The following ZFPM2 variants were observed in gnomAD, a reference collection of about 807,000 sequenced individuals.
The protein encoded by ZFPM2 is zinc finger protein ZFPM2.
Under a neutral mutation model 98.6 loss-of-function variants are expected in ZFPM2, and 20 were observed. The ratio of observed to expected loss-of-function variants is 0.20; its 90% confidence interval spans 0.14 to 0.29. The LOEUF is 0.29. Among genes scored for constraint, ZFPM2 ranks in the 10% least tolerant of loss-of-function variants. ZFPM2 has a pLI of 1.00. For synonymous variants in ZFPM2, 518 were observed against 502.7 expected (o/e 1.03, Z -0.41); for missense variants, 1,310 against 1,388.6 (o/e 0.94, Z 0.90).
At chr8:105,677,835 C>T (rs147728179) in intron 5 of ZFPM2, among the ~76,000 whole-genome samples, 505 of 152,214 alleles carry the variant, frequency 3.3e-3, no homozygotes, top group Non-Finnish European at 5.3e-3. Context: ...TTTTAACTGA[C>T]GAAGTTATTG....
chr8:105,776,199 T>C (rs1271534886), intron 5 of ZFPM2, among the ~76,000 whole-genome samples: 5 of 152,064 alleles, frequency 3.3e-5, no homozygotes, highest in Admixed American at 3.3e-4. Context: ...GAGGGGAGTT[T>C]AGGGAATGCA....
intron 3 of ZFPM2, among the ~76,000 whole-genome samples, chr8:105,499,995 G>A (rs569048508): frequency 1.3e-5 from 2 of 152,122 alleles, no homozygotes; most frequent in Admixed American, 6.5e-5. Flanking sequence ...TCTTGGATAC[G>A]TTTTGTTTCG....
At chr8:105,448,042 T>G (rs1249937874) in intron 3 of ZFPM2, among the ~76,000 whole-genome samples, 2 of 152,138 alleles carry the variant, frequency 1.3e-5, no homozygotes, top group African/African-American at 4.8e-5. Flanking sequence ...TTTAAATGTT[T>G]GTGATTCCTG....
At chr8:105,519,262 T>G (rs1425325449) in intron 3 of ZFPM2, among the ~76,000 whole-genome samples, 2 of 152,112 alleles carry the variant, frequency 1.3e-5, no homozygotes, top group African/African-American at 4.8e-5. Flanking sequence ...AATTGGTGGG[T>G]GAGAAGAAAG....
intron 4 of ZFPM2, among the ~76,000 whole-genome samples, chr8:105,586,523 A>G (rs914180549): frequency 2.0e-5 from 3 of 151,966 alleles, no homozygotes; most frequent in African/African-American, 7.3e-5. Flanking sequence ...CCTAGATTCA[A>G]GTGATTCATC....
At chr8:105,688,605 G>GT (rs1810800701) in intron 5 of ZFPM2, among the ~76,000 whole-genome samples, 3 of 151,996 alleles carry the variant, frequency 2.0e-5, no homozygotes, top group African/African-American at 4.8e-5. Context: ...ACTATTCATA[G>GT]ATTTTTTTGT....
chr8:105,763,433 A>T (rs1437880058), intron 5 of ZFPM2, among the ~76,000 whole-genome samples: 1 of 151,870 alleles, frequency 6.6e-6, no homozygotes, highest in African/African-American at 2.4e-5. Context: ...TTCTGGGACA[A>T]TACCTCAAGC....
In ZFPM2 at chr8:105,404,047, A is replaced by C. The variant is rs1017843357; in HGVS notation, c.41-15097A>C. ...CAACAACAACAACAACAACAACAGC[A>C]GCATAGATTTGGCCCTAGGCGCTAG... On this transcript the variant is annotated intron_variant, in intron 1 of 7. Coordinates refer to ENST00000407775, the MANE Select transcript of ZFPM2 (RefSeq NM_012082.4). Among the ~76,000 whole-genome samples the C allele has an allele frequency of 2.6e-5, 4 of 151,946 alleles. No individual in the cohort carries two copies. The East Asian group carries it at 7.7e-4, about 29-fold the overall frequency.
rs945029526 is a variant in ZFPM2 at position 105,750,328 on chromosome 8, G to A, written c.533-38390G>A. On this transcript the variant is annotated intron_variant, in intron 5 of 7. Transcript: ENST00000407775. ...CAAGCCCTGCTGCCTCCAAGGGTGT[G>A]GTCTTAGTTAATTGTATGTGTATTT... Among the ~76,000 whole-genome samples the A allele has an allele frequency of 1.4e-4, 21 of 151,866 alleles. 1 individual carries two copies. The highest frequency in any genetic ancestry group is 1.2e-3 in the Admixed American group (18 of 15,232).
chr8:105,335,571 CAG>C (rs1812311632), intron 1 of ZFPM2, among the ~76,000 whole-genome samples: 1 of 151,700 alleles, frequency 6.6e-6, no homozygotes, highest in Admixed American at 6.6e-5. Flanking sequence ...AGGAAAGAAT[CAG>C]AGGAAAATGA....
intron 4 of ZFPM2, among the ~76,000 whole-genome samples, chr8:105,599,283 G>T (rs1418994186): frequency 6.6e-6 from 1 of 150,836 alleles, no homozygotes; most frequent in South Asian, 2.1e-4. Flanking sequence ...CTGTCTTTAT[G>T]ATTATTTTAG....
intron 3 of ZFPM2, among the ~76,000 whole-genome samples, chr8:105,452,542 G>GTT (rs1812505515): frequency 6.6e-6 from 1 of 151,848 alleles, no homozygotes; most frequent in Non-Finnish European, 1.5e-5. Flanking sequence ...GAGCCCAGAA[G>GTT]TTTGAGACCA....
chr8:105,657,326 A>G (rs1817304858), intron 5 of ZFPM2, among the ~76,000 whole-genome samples: 1 of 152,058 alleles, frequency 6.6e-6, no homozygotes, highest in Non-Finnish European at 1.5e-5. Context: ...CTTAGTAGAA[A>G]CGGGGTTTCA....
intron 1 of ZFPM2, among the ~76,000 whole-genome samples, chr8:105,364,214 T>C (rs1027533175): frequency 4.6e-5 from 7 of 152,110 alleles, no homozygotes; most frequent in African/African-American, 1.7e-4. Flanking sequence ...TTAATTTTTA[T>C]AATGTAAATT....
intron 5 of ZFPM2, among the ~76,000 whole-genome samples, chr8:105,738,653 C>T (rs1812144305): frequency 6.6e-6 from 1 of 151,988 alleles, no homozygotes; most frequent in East Asian, 1.9e-4. Context: ...GTATAGCATT[C>T]CTTTTCTCCA....
chr8:105,342,844 A>G (rs530721779), intron 1 of ZFPM2, among the ~76,000 whole-genome samples: 1 of 152,188 alleles, frequency 6.6e-6, no homozygotes, highest in African/African-American at 2.4e-5. Flanking sequence ...CATATGACAT[A>G]ATAGATCTCT....
chr8:105,602,302 A>G (rs1816109160), intron 4 of ZFPM2, among the ~76,000 whole-genome samples: 1 of 152,158 alleles, frequency 6.6e-6, no homozygotes. Flanking sequence ...TCATGAAAAA[A>G]AAGGATTGGT....
intron 5 of ZFPM2, among the ~76,000 whole-genome samples, chr8:105,660,936 A>G (rs1290814946): frequency 2.0e-5 from 3 of 152,322 alleles, no homozygotes; most frequent in African/African-American, 7.2e-5. Flanking sequence ...TGCCTTAACT[A>G]TATATACCCT....
chr8:105,357,212 A>C (rs1812765732), intron 1 of ZFPM2, among the ~76,000 whole-genome samples: 1 of 152,142 alleles, frequency 6.6e-6, no homozygotes, highest in African/African-American at 2.4e-5. Flanking sequence ...CTGATTGAAA[A>C]GGTCCAGTGG....
Sources: gnomAD v4.1 joint callset for allele counts (sites outside exome capture counted in the v4.1 genomes callset) on GRCh38, gnomAD v4.1.1 for gene constraint, MANE v1.5 for transcripts, NCBI Gene and HGNC (gene_info 2026-07-23, HGNC 2026-07-21) for gene names.